PLXDC2: variants seen among roughly 807,000 people sequenced by gnomAD.
The protein encoded by PLXDC2 is plexin domain-containing protein 2.
A neutral mutation model predicts 68.9 loss-of-function variants in PLXDC2; 40 were observed. The ratio of observed to expected loss-of-function variants is 0.58; its 90% CI spans 0.45 to 0.76. The LOEUF (loss-of-function observed/expected upper bound fraction) is 0.76, where lower values mean the gene tolerates loss of function less well. Among genes scored for constraint, PLXDC2 ranks in the 30% least tolerant of loss-of-function variants. The probability of loss-of-function intolerance (pLI) is 0.00; values close to 1 mark genes in which losing one functional copy is unlikely to be tolerated. For synonymous variants in PLXDC2, 243 were observed against 234.2 expected, an observed-to-expected ratio of 1.04 and a Z score of -0.34; for missense variants, 644 against 661.9, an observed-to-expected ratio of 0.97 and a Z score of 0.30.
chr10:19,904,280 GCATTA>G (rs1838205890), intron 1 of PLXDC2, among the ~76,000 whole-genome samples: 1 of 152,072 alleles, frequency 6.6e-6, no homozygotes, highest in Non-Finnish European at 1.5e-5. Flanking sequence ...AGTCAGTGGA[GCATTA>G]CGTCCCCCAC....
chr10:20,061,220 C>G (rs1462853611), intron 3 of PLXDC2, among the ~76,000 whole-genome samples: 2 of 152,138 alleles, frequency 1.3e-5, no homozygotes, highest in African/African-American at 2.4e-5. Context: ...TATTCAAGAT[C>G]CAACCTAGGA....
intron 6 of PLXDC2, among the ~76,000 whole-genome samples, chr10:20,160,058 G>A (rs1318873212): frequency 6.6e-6 from 1 of 151,992 alleles, no homozygotes; most frequent in African/African-American, 2.4e-5. Flanking sequence ...GTGAGAGAAG[G>A]GTCTTTGTTT....
At chr10:20,037,518 T>C (rs1835599281) in intron 2 of PLXDC2, among the ~76,000 whole-genome samples, 1 of 152,182 alleles carries the variant, frequency 6.6e-6, no homozygotes, top group South Asian at 2.1e-4. Flanking sequence ...ACTCCATGCC[T>C]GGAAATAGTC....
Position 20,280,007 on chromosome 10 carries a change from T to C in PLXDC2, c.*188T>C, listed in dbSNP as rs528806852. On this transcript the variant is annotated 3_prime_UTR_variant, in exon 14 of 14. Transcript: ENST00000377252. ...AGGGTAAACAAAAAACTAAAACTTA[T>C]ACAAGATACCATTTACACTGAACAT... 5.3e-6 allele frequency: 3 copies of C among 568,404 alleles called. No individual in the cohort carries two copies. Among genetic ancestry groups the C allele is most frequent in the East Asian group, 2.8e-5 (1 of 35,486 alleles). 35.2% of individuals were successfully genotyped at this position (568,404 alleles called of 1,614,324 possible). A position where few individuals can be genotyped will look rare whatever the true frequency, so the allele number is the denominator to read the frequency against.
At chr10:20,132,968 T>G (rs895757167) in intron 4 of PLXDC2, among the ~76,000 whole-genome samples, 4 of 152,148 alleles carry the variant, frequency 2.6e-5, no homozygotes, top group Non-Finnish European at 1.5e-5. Flanking sequence ...TTGCTTTAAC[T>G]TCTTTATCTT....
At chr10:20,189,589 A>C (rs1433170093) in intron 9 of PLXDC2, among the ~76,000 whole-genome samples, 1 of 147,238 alleles carries the variant, frequency 6.8e-6, no homozygotes, top group East Asian at 2.0e-4. Flanking sequence ...ATAAAAGTTT[A>C]TTAGGGCAAT....
In PLXDC2 at chr10:20,271,799, C is replaced by T. The variant is rs530915815; in HGVS notation, c.1474-7904C>T. On this transcript the variant is annotated intron_variant, in intron 13 of 13. Transcript: ENST00000377252. Reference sequence around the variant, plus strand: ...CCATAGTGCAGTGCCATGTAATAGCCAGGCTCTGGAGGTAGCAGCTTCGAG... The same window carrying T: ...CCATAGTGCAGTGCCATGTAATAGCTAGGCTCTGGAGGTAGCAGCTTCGAG... Among the ~76,000 whole-genome samples, 163 of 152,184 alleles carry T rather than the reference C, an allele frequency of 1.1e-3. 1 individual carries two copies. The highest frequency in any genetic ancestry group is 1.9e-3 in the Non-Finnish European group (132 of 68,006).
rs11498343 is a variant in PLXDC2 at position 20,029,873 on chromosome 10, T to C, written c.325-16996T>C. ...CAAGCTCTCTTCTTTTGTTCTGCCCTTATTTACCCTCCACATCAGCTACCT... is the reference window on the plus strand; with the variant it reads ...CAAGCTCTCTTCTTTTGTTCTGCCCCTATTTACCCTCCACATCAGCTACCT... On this transcript the variant is annotated intron_variant, in intron 2 of 13. Transcript: ENST00000377252. Among the ~76,000 whole-genome samples the C allele has an allele frequency of 7.7e-3, 1,175 of 152,310 alleles. 15 individuals carry two copies. The highest frequency in any genetic ancestry group is 0.027 in the African/African-American group (1,107 of 41,558).
chr10:19,903,958 C>T (rs61843660), intron 1 of PLXDC2, among the ~76,000 whole-genome samples: 2 of 152,014 alleles, frequency 1.3e-5, no homozygotes, highest in Non-Finnish European at 2.9e-5. Flanking sequence ...CATTCAGGAT[C>T]AGTTTATTTA....
chr10:19,900,662 T>G (rs929194060), intron 1 of PLXDC2, among the ~76,000 whole-genome samples: 6 of 152,042 alleles, frequency 3.9e-5, no homozygotes, highest in African/African-American at 1.4e-4. Flanking sequence ...GTTACATGCA[T>G]AAGTTCTTTA....
At chr10:19,935,392 C>G (rs1396611932) in intron 1 of PLXDC2, among the ~76,000 whole-genome samples, 1 of 152,198 alleles carries the variant, frequency 6.6e-6, no homozygotes, top group African/African-American at 2.4e-5. Context: ...ATACTGCAAC[C>G]TGGCCCATGG....
chr10:20,023,767 A>T, intron 2 of PLXDC2, among the ~76,000 whole-genome samples: 1 of 55,436 alleles, frequency 1.8e-5, no homozygotes. Flanking sequence ...CTTTCAAAAA[A>T]ATGTTTTATT....
At chr10:19,828,301 A>G (rs1333735570) in intron 1 of PLXDC2, among the ~76,000 whole-genome samples, 2 of 152,206 alleles carry the variant, frequency 1.3e-5, no homozygotes, top group Non-Finnish European at 2.9e-5. Flanking sequence ...CCCATTGGAG[A>G]TTTACTTTGA....
intron 2 of PLXDC2, among the ~76,000 whole-genome samples, chr10:20,041,093 A>G (rs1214743507): frequency 1.3e-5 from 2 of 152,178 alleles, no homozygotes; most frequent in African/African-American, 2.4e-5. Flanking sequence ...AAGATTTGCT[A>G]TAGTTTCTCT....
chr10:19,904,669 G>T (rs548811788), intron 1 of PLXDC2, among the ~76,000 whole-genome samples: 2 of 152,180 alleles, frequency 1.3e-5, no homozygotes, highest in East Asian at 3.9e-4. Context: ...TGGATTTCTT[G>T]GTATGTTCCT....
intron 9 of PLXDC2, among the ~76,000 whole-genome samples, chr10:20,202,475 C>T (rs1284953602): frequency 6.6e-6 from 1 of 152,138 alleles, no homozygotes; most frequent in East Asian, 1.9e-4. Context: ...GTAACAAGGG[C>T]AGTAACCCAG....
At chr10:20,164,323 T>A in intron 6 of PLXDC2, 145 bp from the exon 7 acceptor site, 1 of 673,534 alleles carries the variant, frequency 1.5e-6, no homozygotes, top group East Asian at 2.7e-5. Context: ...TTCGTATGTC[T>A]CTCTTTTCTA....
intron 1 of PLXDC2, among the ~76,000 whole-genome samples, chr10:19,977,300 A>G (rs1307005386): frequency 1.3e-5 from 2 of 152,212 alleles, no homozygotes; most frequent in Non-Finnish European, 2.9e-5. Context: ...CACCCAGAAG[A>G]TTGTTAGATG....
At chr10:19,923,086 T>C (rs2131382442) in intron 1 of PLXDC2, among the ~76,000 whole-genome samples, 1 of 152,304 alleles carries the variant, frequency 6.6e-6, no homozygotes, top group African/African-American at 2.4e-5. Context: ...ATCTCTTAAG[T>C]CATTTTATAA....
Sources: allele counts gnomAD v4.1 joint callset (sites outside exome capture counted in the v4.1 genomes callset), GRCh38; gene constraint gnomAD v4.1.1; transcripts MANE v1.5; gene names NCBI Gene and HGNC (gene_info 2026-07-23, HGNC 2026-07-21).